Variants in PKNOX2 observed in about 807,000 individuals in gnomAD.
The protein encoded by PKNOX2 is PBX/knotted 1 homeobox 2, also known as homeobox protein PKNOX2.
In PKNOX2, 14 loss-of-function variants were observed where a neutral mutation model predicts 53.1. The ratio of observed to expected loss-of-function variants is 0.26; its 90% confidence interval spans 0.17 to 0.41. The LOEUF (loss-of-function observed/expected upper bound fraction) is 0.41. Ranked by LOEUF, PKNOX2 falls within the 10% of genes least tolerant of loss-of-function variation. PKNOX2 has a pLI of 1.00. For synonymous variants in PKNOX2, 257 were observed against 242.8 expected (o/e 1.06, Z -0.54); for missense variants, 496 against 602.8 (o/e 0.82, Z 1.85).
chr11:125,282,780 A>G (rs1946649414), intron 2 of PKNOX2, among the ~76,000 whole-genome samples: 1 of 152,238 alleles, frequency 6.6e-6, no homozygotes, highest in Non-Finnish European at 1.5e-5. Context: ...GTGCTGGCCA[A>G]TTTGGTAGTC....
At chr11:125,378,702 G>A (rs1468536010) in intron 5 of PKNOX2, among the ~76,000 whole-genome samples, 2 of 152,200 alleles carry the variant, frequency 1.3e-5, no homozygotes, top group African/African-American at 2.4e-5. Flanking sequence ...GGGAAGGGAT[G>A]GCTGAGAGGC....
chr11:125,212,449 CTTTTTTT>C (rs796083611), intron 1 of PKNOX2, among the ~76,000 whole-genome samples: 72 of 105,396 alleles, frequency 6.8e-4, no homozygotes, highest in African/African-American at 8.9e-4. Context: ...GGAGGGGATT[CTTTTTTT>C]TTTTTTTTTT....
chr11:125,277,568 C>T (rs1334504063), intron 2 of PKNOX2: 2 of 152,132 alleles, frequency 1.3e-5, no homozygotes. Context: ...GCTTCAGCAG[C>T]AAACAGACCA....
intron 1 of PKNOX2, among the ~76,000 whole-genome samples, chr11:125,225,710 G>GT (rs1413096044): frequency 2.6e-5 from 4 of 152,232 alleles, no homozygotes; most frequent in African/African-American, 9.6e-5. Flanking sequence ...TCCTCTGCCT[G>GT]TGCTGTTTTC....
chr11:125,403,497 C>T, intron 7 of PKNOX2, among the ~76,000 whole-genome samples: 1 of 152,162 alleles, frequency 6.6e-6, no homozygotes, highest in East Asian at 1.9e-4. Flanking sequence ...CACAGATTAT[C>T]TAATTTACTC....
At chr11:125,183,978 C>T in intron 1 of PKNOX2, among the ~76,000 whole-genome samples, 1 of 152,282 alleles carries the variant, frequency 6.6e-6, no homozygotes, top group East Asian at 1.9e-4. Flanking sequence ...GCCTCAAATA[C>T]ATTTTCAATT....
chr11:125,406,913 T>C (rs1346351119), intron 7 of PKNOX2, among the ~76,000 whole-genome samples: 2 of 101,830 alleles, frequency 2.0e-5, no homozygotes, highest in African/African-American at 4.2e-5. Context: ...TGAGAATCTA[T>C]GTCTAAAAAA....
chr11:125,351,195 C>T, intron 3 of PKNOX2, 89 bp from the exon 4 acceptor site: 1 of 727,520 alleles, frequency 1.4e-6, no homozygotes, highest in South Asian at 1.5e-5. Flanking sequence ...GCCCAGGTGG[C>T]CCAGCGGGGG....
chr11:125,382,032 C>G (rs1179632505), intron 5 of PKNOX2, among the ~76,000 whole-genome samples: 1 of 152,190 alleles, frequency 6.6e-6, no homozygotes, highest in Non-Finnish European at 1.5e-5. Context: ...GGGACACAGT[C>G]GTGGCAGATG....
At chr11:125,389,702 C>T (rs986670534) in intron 6 of PKNOX2, among the ~76,000 whole-genome samples, 9 of 152,320 alleles carry the variant, frequency 5.9e-5, no homozygotes, top group South Asian at 2.1e-4. Context: ...ATCTGATTTA[C>T]GGGCCCCCGG....
intron 2 of PKNOX2, among the ~76,000 whole-genome samples, chr11:125,328,666 G>A (rs531479385): frequency 4.6e-5 from 7 of 152,232 alleles, no homozygotes; most frequent in South Asian, 2.1e-4. Flanking sequence ...CTCTCCTTCC[G>A]GGAGTGCAAC....
At chr11:125,203,210 T>C (rs1035076057) in intron 1 of PKNOX2, among the ~76,000 whole-genome samples, 17 of 152,140 alleles carry the variant, frequency 1.1e-4, no homozygotes, top group Non-Finnish European at 1.5e-5. Context: ...CTCAACCAGC[T>C]GGGTCCAAGC....
At chr11:125,288,042 A>T (rs565092204) in intron 2 of PKNOX2, 2 of 152,396 alleles carry the variant, frequency 1.3e-5, no homozygotes, top group South Asian at 4.1e-4. Flanking sequence ...GATGGGCAGG[A>T]CAGCCCCTCC....
At chr11:125,286,090 G>A (rs1332695163) in intron 2 of PKNOX2, among the ~76,000 whole-genome samples, 2 of 152,142 alleles carry the variant, frequency 1.3e-5, no homozygotes, top group Non-Finnish European at 2.9e-5. Flanking sequence ...ATGAAGGACC[G>A]TAAGAAAGGC....
At chr11:125,393,037 C>T (rs1591554288) in intron 6 of PKNOX2, among the ~76,000 whole-genome samples, 1 of 151,220 alleles carries the variant, frequency 6.6e-6, no homozygotes, top group Non-Finnish European at 1.5e-5. Context: ...TGGTGGCGGG[C>T]GTGGTCCCAG....
At chr11:125,285,874 C>T (rs537168282) in intron 2 of PKNOX2, among the ~76,000 whole-genome samples, 1 of 152,344 alleles carries the variant, frequency 6.6e-6, no homozygotes, top group South Asian at 2.1e-4. Flanking sequence ...AGGCTCTTTC[C>T]ATCACCTCTG....
At chr11:125,364,882 C>G (rs1952106094) in intron 4 of PKNOX2, among the ~76,000 whole-genome samples, 1 of 151,974 alleles carries the variant, frequency 6.6e-6, no homozygotes, top group Non-Finnish European at 1.5e-5. Flanking sequence ...ATCCAGCCAC[C>G]CAGCTGAAGC....
chr11:125,248,999 CATAAT>C (rs1466380899), intron 2 of PKNOX2, among the ~76,000 whole-genome samples: 2 of 138,890 alleles, frequency 1.4e-5, no homozygotes, highest in East Asian at 2.1e-4. Context: ...ATATAACATA[CATAAT>C]ATATTATATA....
At chr11:125,294,217 G>A (rs1011172307) in intron 2 of PKNOX2, among the ~76,000 whole-genome samples, 1 of 152,170 alleles carries the variant, frequency 6.6e-6, no homozygotes, top group Non-Finnish European at 1.5e-5. Flanking sequence ...TGATATTCCT[G>A]TTAAGGAAGC....
Sources: gnomAD v4.1 joint callset for allele counts (sites outside exome capture counted in the v4.1 genomes callset) on GRCh38, gnomAD v4.1.1 for gene constraint, MANE v1.5 for transcripts, NCBI Gene and HGNC (gene_info 2026-07-23, HGNC 2026-07-21) for gene names.